The following FBXL20 variants were observed in gnomAD, a reference collection of about 807,000 sequenced individuals.
FBXL20 encodes the protein F-box/LRR-repeat protein 20.
A neutral mutation model predicts 64.0 loss-of-function variants in FBXL20; 11 were observed. The observed-to-expected ratio is 0.17, with a 90% CI of 0.11 to 0.28. FBXL20 has a LOEUF of 0.28. Ranked by LOEUF, FBXL20 falls within the 10% of genes least tolerant of loss-of-function variation. The pLI, the probability that FBXL20 is intolerant of heterozygous loss-of-function variation, is 1.00. For synonymous variants in FBXL20, 184 were observed against 189.0 expected (o/e 0.97, Z 0.22); for missense variants, 303 against 526.2 (o/e 0.58, Z 4.15).
At chr17:39,319,247 CA>C (rs564575646) in intron 2 of FBXL20, among the ~76,000 whole-genome samples, 7 of 143,250 alleles carry the variant, frequency 4.9e-5, no homozygotes, top group Non-Finnish European at 6.1e-5. Flanking sequence ...GACTCCATCT[CA>C]AAAAAAAAAG....
intron 1 of FBXL20, among the ~76,000 whole-genome samples, chr17:39,377,667 A>AT (rs1188946797): frequency 4.0e-5 from 6 of 151,806 alleles, no homozygotes; most frequent in Non-Finnish European, 5.9e-5. Context: ...CGCCCGGCTA[A>AT]TTTTTTTGTA....
intron 2 of FBXL20, among the ~76,000 whole-genome samples, chr17:39,312,941 T>A (rs1191461650): frequency 7.6e-6 from 1 of 131,212 alleles, no homozygotes; most frequent in Non-Finnish European, 1.6e-5. Context: ...TTTTTTGAGA[T>A]GGAGGCGCAT....
upstream of FBXL20, chr17:39,402,298 C>G (rs2048256694): frequency 4.4e-6 from 4 of 913,744 alleles, no homozygotes; most frequent in Non-Finnish European, 5.7e-6. Flanking sequence ...CCGCCGCCGC[C>G]TCCCCCGCCT....
chr17:39,302,199 GTATA>G (rs886894800), intron 3 of FBXL20, among the ~76,000 whole-genome samples: 4 of 151,772 alleles, frequency 2.6e-5, no homozygotes, highest in African/African-American at 9.7e-5. Context: ...TATATATAGA[GTATA>G]TATATAGAGA....
chr17:39,352,145 A>G (rs985244344), intron 1 of FBXL20, among the ~76,000 whole-genome samples: 5 of 152,180 alleles, frequency 3.3e-5, no homozygotes, highest in Non-Finnish European at 7.3e-5. Flanking sequence ...ATTTATTTAA[A>G]TGCTTAGTAA....
intron 1 of FBXL20, among the ~76,000 whole-genome samples, chr17:39,383,563 G>C (rs1314523384): frequency 6.6e-6 from 1 of 151,260 alleles, no homozygotes; most frequent in Non-Finnish European, 1.5e-5. Flanking sequence ...GGTAGTGTCA[G>C]AGTCTCTTTT....
At chr17:39,297,088 G>A (rs1376264777) in intron 6 of FBXL20, 39 bp downstream of exon 6, 6 of 1,439,528 alleles carry the variant, frequency 4.2e-6, no homozygotes, top group African/African-American at 2.8e-5. Context: ...CCAGACATAA[G>A]GGGTTATGAC....
Position 39,340,997 on chromosome 17 carries a change from CT to C in FBXL20, c.104+2182del, listed in dbSNP as rs11462275. Among the ~76,000 whole-genome samples the C allele has an allele frequency of 6.4e-3, 764 of 119,886 alleles. 2 individuals carry two copies. Among genetic ancestry groups the C allele is most frequent in the Middle Eastern group, 8.5e-3 (2 of 236 alleles). The allele number at this position is 119,886 out of a possible 152,430, so 78.6% of individuals were successfully genotyped here. On this transcript the variant is annotated intron_variant, in intron 2 of 14. Transcript: ENST00000264658. ...CTTTAATTGTTTAAACAAAGTTTTG[CT>C]TTTTTTTTTTTTTTGTAACATGGCA...
chr17:39,300,852 G>T (rs895033585), intron 4 of FBXL20, 149 bp downstream of exon 4: 6 of 643,182 alleles, frequency 9.3e-6, no homozygotes, highest in South Asian at 4.9e-5. Flanking sequence ...GAAACCCTTG[G>T]TAACTTTGGG....
In FBXL20 at chr17:39,299,098, C is replaced by A. The variant is rs1215513480; in HGVS notation, c.235-14G>T. 1.3e-6 allele frequency: 2 copies of A among 1,574,822 alleles called. No individual in the cohort carries two copies. The highest frequency in any genetic ancestry group is 3.6e-5 in the Admixed American group (2 of 54,860). On this transcript the variant is annotated splice_polypyrimidine_tract_variant and intron_variant, in intron 4 of 14. Coordinates refer to ENST00000264658, the MANE Select transcript of FBXL20 (RefSeq NM_032875.3). ...CACTACTCGGCCCTGTAAAATGAGA[C>A]AGGCAAACAAAAAGATAACCCACCT...
At chr17:39,321,181 C>T (rs1437145555) in intron 2 of FBXL20, among the ~76,000 whole-genome samples, 3 of 152,120 alleles carry the variant, frequency 2.0e-5, no homozygotes, top group South Asian at 2.1e-4. Context: ...CAGCCAGGAA[C>T]GGTGGCTCAC....
intron 2 of FBXL20, among the ~76,000 whole-genome samples, chr17:39,336,980 C>T (rs949533882): frequency 3.3e-5 from 5 of 151,918 alleles, no homozygotes; most frequent in African/African-American, 1.2e-4. Context: ...CTCTCCCTCT[C>T]CCTCTCCCCA....
In FBXL20 at chr17:39,371,747, G is replaced by A. The variant is rs148949457; in HGVS notation, c.43-28506C>T. Among the ~76,000 whole-genome samples, 416 of 150,372 alleles carry A rather than the reference G, an allele frequency of 2.8e-3. 1 individual carries two copies. Among genetic ancestry groups the A allele is most frequent in the African/African-American group, 9.5e-3 (387 of 40,864 alleles). On this transcript the variant is annotated intron_variant, in intron 1 of 14. Transcript: ENST00000264658. Reference sequence around the variant, plus strand: ...ATGATCTCGGCTCACCACAACCTCCGCCTCCTGGGTTCAAGTGATTCTCAT... The same window carrying A: ...ATGATCTCGGCTCACCACAACCTCCACCTCCTGGGTTCAAGTGATTCTCAT...
intron 1 of FBXL20, among the ~76,000 whole-genome samples, chr17:39,345,550 A>AT (rs11408782): frequency 0.091 from 13,633 of 150,464 alleles, 1,996 homozygotes; most frequent in African/African-American, 0.31. Flanking sequence ...AATTTTAATA[A>AT]TTTTTTTTTT....
rs766812341 is a variant in FBXL20, at chr17:39,343,864, TTTTG to T, written c.43-627_43-624del. 2.8e-4 allele frequency among the ~76,000 whole-genome samples: 43 copies of T among 151,788 alleles called. 1 individual carries two copies. Among genetic ancestry groups the T allele is most frequent in the South Asian group, 1.9e-3 (9 of 4,788 alleles). Reference sequence around the variant, plus strand: ...GTGCATGCCACCATGCCCGGCTAATTTTTGTTTGTTTGTTTTTGAGACAGAGTCT... The same window carrying T: ...GTGCATGCCACCATGCCCGGCTAATTTTTGTTTGTTTTTGAGACAGAGTCT... On this transcript the variant is annotated intron_variant, in intron 1 of 14. Coordinates refer to ENST00000264658, the MANE Select transcript of FBXL20 (RefSeq NM_032875.3).
chr17:39,295,726 T>G (rs767153399), intron 6 of FBXL20, among the ~76,000 whole-genome samples: 3 of 151,430 alleles, frequency 2.0e-5, no homozygotes, highest in Non-Finnish European at 2.9e-5. Flanking sequence ...GTAACTATTT[T>G]TACTTATTTT....
intron 2 of FBXL20, among the ~76,000 whole-genome samples, chr17:39,331,192 C>T (rs2047456932): frequency 6.6e-6 from 1 of 152,210 alleles, no homozygotes; most frequent in Non-Finnish European, 1.5e-5. Context: ...CCTCCACCTC[C>T]GGGGTTCAAG....
rs1234684972 is a variant in FBXL20 at position 39,325,966 on chromosome 17, G to A, written c.104+17214C>T. The stretch of plus-strand genomic sequence containing the variant: ...ACCTAGTGAGAGGTATTAGATCATG[G>A]GGGCAGATCCCTCATGAATGGCTTA... On this transcript the variant is annotated intron_variant, in intron 2 of 14. Transcript: ENST00000264658. 3.9e-5 allele frequency among the ~76,000 whole-genome samples: 6 copies of A among 152,246 alleles called. No homozygotes were observed. In the East Asian group the frequency reaches 1.2e-3, roughly 29 times the overall value.
chr17:39,368,746 C>T (rs796261205), intron 1 of FBXL20, among the ~76,000 whole-genome samples: 49 of 152,234 alleles, frequency 3.2e-4, no homozygotes, highest in African/African-American at 1.1e-3. Context: ...ACCTCTGCCT[C>T]CCGGGTTCAA....
Sources: allele counts gnomAD v4.1 joint callset (sites outside exome capture counted in the v4.1 genomes callset), GRCh38; gene constraint gnomAD v4.1.1; transcripts MANE v1.5; gene names NCBI Gene and HGNC (gene_info 2026-07-23, HGNC 2026-07-21).